The following ZFAT variants were observed in gnomAD, a reference collection of about 807,000 sequenced individuals.
ZFAT encodes zinc finger and AT-hook domain containing, also known as zinc finger protein ZFAT.
A neutral mutation model predicts 117.7 loss-of-function variants in ZFAT; 64 were observed. The observed-to-expected ratio is 0.54, with a 90% CI of 0.44 to 0.67. ZFAT has a LOEUF of 0.67. Ranked by LOEUF, ZFAT falls within the 30% of genes least tolerant of loss-of-function variation. ZFAT has a pLI of 0.00. For synonymous variants in ZFAT, 679 were observed against 615.0 expected, an observed-to-expected ratio of 1.10 and a Z score of -1.54; for missense variants, 1,433 against 1,584.5, an observed-to-expected ratio of 0.90 and a Z score of 1.62.
intron 15 of ZFAT, among the ~76,000 whole-genome samples, chr8:134,481,255 C>G (rs944474216): frequency 6.6e-6 from 1 of 152,194 alleles, no homozygotes; most frequent in Non-Finnish European, 1.5e-5. Context: ...ATCTTTTCTC[C>G]TCTTACCTGT....
At chr8:134,694,345 G>A (rs750022317) in intron 1 of ZFAT, among the ~76,000 whole-genome samples, 45 of 152,302 alleles carry the variant, frequency 3.0e-4, no homozygotes, top group African/African-American at 1.1e-3. Context: ...AATAAACACC[G>A]AAGATACTTA....
At chr8:134,734,273 T>TGCCACTTCC in the ZFAT span, among the ~76,000 whole-genome samples, 1 of 152,244 alleles carries the variant, frequency 6.6e-6, no homozygotes, top group Non-Finnish European at 1.5e-5. Context: ...CTGCCACTTC[T>TGCCACTTCC]GCCACTTCCG....
the ZFAT span, among the ~76,000 whole-genome samples, chr8:134,739,797 A>T: frequency 2.6e-5 from 4 of 151,960 alleles, no homozygotes; most frequent in African/African-American, 9.7e-5. Flanking sequence ...GAGGCTGAGG[A>T]CTCCCCACCA....
At chr8:134,616,645 T>C (rs764988369) in intron 3 of ZFAT, among the ~76,000 whole-genome samples, 48 of 152,360 alleles carry the variant, frequency 3.2e-4, no homozygotes, top group African/African-American at 1.1e-3. Context: ...CCTTTCTTCC[T>C]TTTAAAAATT....
At chr8:134,828,265 G>A in the ZFAT span, among the ~76,000 whole-genome samples, 1 of 152,106 alleles carries the variant, frequency 6.6e-6, no homozygotes, top group Non-Finnish European at 1.5e-5. Context: ...CACCATTCAA[G>A]CTGTTCCTTC....
the ZFAT span, among the ~76,000 whole-genome samples, chr8:134,816,997 AG>A: frequency 6.6e-6 from 1 of 151,796 alleles, no homozygotes; most frequent in Non-Finnish European, 1.5e-5. Context: ...AAAAAAAAAA[AG>A]TATACCATTT....
intron 11 of ZFAT, among the ~76,000 whole-genome samples, chr8:134,541,395 C>T (rs903081077): frequency 6.6e-6 from 1 of 152,156 alleles, no homozygotes; most frequent in Non-Finnish European, 1.5e-5. Context: ...TCCTGCACTG[C>T]CTTGGGACTC....
chr8:134,609,017 C>T (rs1586809511), intron 4 of ZFAT, 138 bp from the exon 5 acceptor site: 15 of 1,071,114 alleles, frequency 1.4e-5, no homozygotes, highest in South Asian at 2.0e-5. Context: ...TCACTCAGCT[C>T]GCACATTTAC....
At chr8:134,638,549 C>CAAGAAA (rs1830373092) in intron 2 of ZFAT, among the ~76,000 whole-genome samples, 1 of 101,076 alleles carries the variant, frequency 9.9e-6, no homozygotes, top group Non-Finnish European at 2.1e-5. Context: ...ACTAAAAATA[C>CAAGAAA]AAAAAAAAAA....
At chr8:134,787,665 G>A in the ZFAT span, among the ~76,000 whole-genome samples, 12 of 151,098 alleles carry the variant, frequency 7.9e-5, no homozygotes, top group Middle Eastern at 3.4e-3. Flanking sequence ...GGATATTCTC[G>A]GTCCTTTGCA....
At chr8:134,484,732 C>G (rs1485603637) in intron 15 of ZFAT, among the ~76,000 whole-genome samples, 5 of 152,196 alleles carry the variant, frequency 3.3e-5, no homozygotes, top group Non-Finnish European at 7.3e-5. Context: ...TAGCATGGCA[C>G]CTGGGCAGGG....
intron 14 of ZFAT, 65 bp downstream of exon 14, chr8:134,512,410 G>A (rs370482868): frequency 7.2e-5 from 114 of 1,579,324 alleles, no homozygotes; most frequent in African/African-American, 1.2e-4. Flanking sequence ...ATCTGCAAAC[G>A]CATTCATTCA....
At chr8:134,641,269 A>AC (rs1270911400) in intron 2 of ZFAT, among the ~76,000 whole-genome samples, 1 of 151,972 alleles carries the variant, frequency 6.6e-6, no homozygotes, top group African/African-American at 2.4e-5. Flanking sequence ...ACATTCAGTG[A>AC]CCCCACTTCC....
At position 134,497,153 on chromosome 8, in the gene ZFAT, G is replaced by T. The variant is rs542273436; in HGVS notation, c.3492+12466C>A. Among the ~76,000 whole-genome samples the T allele has an allele frequency of 2.3e-3, 344 of 151,964 alleles. 1 individual carries two copies. The highest frequency in any genetic ancestry group is 7.8e-3 in the African/African-American group (322 of 41,428). ...GAGGGAAAGAGGTGGGCACCTTGCT[G>T]TCAGGCCTGGTGGGCGATGGAGAGC... On this transcript the variant is annotated intron_variant, in intron 15 of 15. Transcript: ENST00000377838.
the ZFAT span, among the ~76,000 whole-genome samples, chr8:134,781,119 ATCT>A: frequency 5.9e-5 from 9 of 152,070 alleles, no homozygotes; most frequent in South Asian, 6.2e-4. Context: ...TATACTAGAA[ATCT>A]TCTTATTATT....
At chr8:134,529,519 C>A (rs1821257289) in intron 12 of ZFAT, among the ~76,000 whole-genome samples, 1 of 152,144 alleles carries the variant, frequency 6.6e-6, no homozygotes, top group Non-Finnish European at 1.5e-5. Context: ...ATCAGATGCA[C>A]ATAAAATATA....
intron 11 of ZFAT, among the ~76,000 whole-genome samples, chr8:134,560,782 G>A (rs1048428987): frequency 1.3e-5 from 2 of 152,252 alleles, no homozygotes; most frequent in African/African-American, 4.8e-5. Context: ...TGAATAGCTA[G>A]ATGGAAGGGT....
intron 1 of ZFAT, among the ~76,000 whole-genome samples, chr8:134,691,047 T>C (rs1247305583): frequency 6.6e-6 from 1 of 152,242 alleles, no homozygotes; most frequent in Non-Finnish European, 1.5e-5. Context: ...GGACAGAGTG[T>C]CCAAGTCCAG....
chr8:134,825,358 C>T, the ZFAT span, among the ~76,000 whole-genome samples: 1 of 152,206 alleles, frequency 6.6e-6, no homozygotes, highest in Non-Finnish European at 1.5e-5. Context: ...ACCTTTACCC[C>T]CTTCCCTCCC....
Sources: gnomAD v4.1 joint callset for allele counts (sites outside exome capture counted in the v4.1 genomes callset) on GRCh38, gnomAD v4.1.1 for gene constraint, MANE v1.5 for transcripts, NCBI Gene and HGNC (gene_info 2026-07-23, HGNC 2026-07-21) for gene names.